Variants in BTG4 observed in about 807,000 individuals in gnomAD.
BTG4 encodes the protein BTG anti-proliferation factor 4.
A neutral mutation model predicts 19.3 loss-of-function variants in BTG4; 10 were observed. The ratio of observed to expected loss-of-function variants is 0.52; its 90% CI spans 0.32 to 0.88. The LOEUF (loss-of-function observed/expected upper bound fraction) is 0.88, where lower values mean the gene tolerates loss of function less well. Ranked by LOEUF, BTG4 falls within the 40% of genes least tolerant of loss-of-function variation. The pLI is 0.04. For missense variants in BTG4, 238 were observed against 281.9 expected (o/e 0.84, Z 1.11); for synonymous variants, 91 against 95.7 (o/e 0.95, Z 0.29).
chr11:111,491,734 C>CAAAA (rs5794751), downstream of BTG4, among the ~76,000 whole-genome samples: 7 of 99,718 alleles, frequency 7.0e-5, no homozygotes, highest in Admixed American at 2.0e-4. Flanking sequence ...GACCTGATCT[C>CAAAA]AAAAAAAAAA....
At chr11:111,409,903 T>C in the BTG4 span, among the ~76,000 whole-genome samples, 1 of 152,234 alleles carries the variant, frequency 6.6e-6, no homozygotes, top group African/African-American at 2.4e-5. Context: ...GCTAATGTAT[T>C]GGAGTGATAA....
the BTG4 span, among the ~76,000 whole-genome samples, chr11:111,401,997 G>A: frequency 6.6e-6 from 1 of 152,164 alleles, no homozygotes; most frequent in African/African-American, 2.4e-5. Flanking sequence ...TTATTTATAT[G>A]TGATAGCTTT....
At chr11:111,433,639 T>A in the BTG4 span, among the ~76,000 whole-genome samples, 3 of 152,088 alleles carry the variant, frequency 2.0e-5, no homozygotes, top group African/African-American at 7.3e-5. Context: ...GGGAGAAAAT[T>A]TTTGCAATCT....
chr11:111,385,841 T>C, the BTG4 span: 6 of 152,210 alleles, frequency 3.9e-5, no homozygotes, highest in African/African-American at 7.2e-5. Flanking sequence ...TTATACATAA[T>C]AGGGAAATTG....
At chr11:111,429,240 A>T in the BTG4 span, among the ~76,000 whole-genome samples, 23 of 152,266 alleles carry the variant, frequency 1.5e-4, no homozygotes, top group African/African-American at 5.1e-4. Flanking sequence ...GACAAAGCTT[A>T]ACATCACGCT....
At chr11:111,510,257 T>C (rs964860811) in intron 1 of BTG4, among the ~76,000 whole-genome samples, 1 of 152,146 alleles carries the variant, frequency 6.6e-6, no homozygotes, top group Admixed American at 6.5e-5. Flanking sequence ...TAGTCTTGTA[T>C]CTAGAAGTGG....
chr11:111,398,349 G>A, the BTG4 span, among the ~76,000 whole-genome samples: 13 of 152,192 alleles, frequency 8.5e-5, no homozygotes, highest in East Asian at 1.3e-3. Flanking sequence ...TGGTCCTTTA[G>A]CCTAAAGCAG....
chr11:111,494,720 G>A, downstream of BTG4: 1 of 258,888 alleles, frequency 3.9e-6, no homozygotes, highest in Admixed American at 6.5e-5. Context: ...GAGCTCAGGA[G>A]TTTGTGACCA....
chr11:111,418,612 T>C, the BTG4 span, among the ~76,000 whole-genome samples: 20 of 152,098 alleles, frequency 1.3e-4, no homozygotes, highest in Non-Finnish European at 2.8e-4. Flanking sequence ...AAGGTTTTCA[T>C]AAAGGGGAAA....
At chr11:111,503,876 C>T (rs554564397) in intron 1 of BTG4, among the ~76,000 whole-genome samples, 49 of 152,188 alleles carry the variant, frequency 3.2e-4, no homozygotes, top group African/African-American at 1.1e-3. Flanking sequence ...AGGTAAAACT[C>T]GAAAATCTGG....
chr11:111,440,006 T>A, the BTG4 span, among the ~76,000 whole-genome samples: 7 of 152,236 alleles, frequency 4.6e-5, no homozygotes, highest in Non-Finnish European at 7.3e-5. Flanking sequence ...TTATTTTATC[T>A]CACAGTGCTG....
At chr11:111,507,750 G>C (rs997395648) in intron 1 of BTG4, 1 of 152,102 alleles carries the variant, frequency 6.6e-6, no homozygotes, top group Admixed American at 6.6e-5. Flanking sequence ...AAGAGGAGAG[G>C]GATCCTCTCA....
At chr11:111,424,200 C>T in the BTG4 span, among the ~76,000 whole-genome samples, 2 of 152,274 alleles carry the variant, frequency 1.3e-5, no homozygotes, top group African/African-American at 4.8e-5. Context: ...CAGCCCAAGT[C>T]GATACAATCC....
the BTG4 span, chr11:111,452,369 G>A: frequency 1.3e-5 from 2 of 152,300 alleles, no homozygotes; most frequent in Non-Finnish European, 2.9e-5. Flanking sequence ...GTCTCTGGCA[G>A]ACAGTGGGAC....
intron 2 of BTG4, 148 bp from the exon 3 acceptor site, chr11:111,498,283 CAAGT>C (rs1279543074): frequency 3.6e-6 from 3 of 841,368 alleles, no homozygotes; most frequent in East Asian, 2.5e-5. Context: ...TCCACTCTTA[CAAGT>C]AAGACATCAT....
intron 5 of BTG4, among the ~76,000 whole-genome samples, chr11:111,487,684 C>T (rs568819030): frequency 4.6e-5 from 7 of 151,982 alleles, no homozygotes; most frequent in South Asian, 2.1e-4. Context: ...TCCTTGCAGA[C>T]GATATAGTCT....
chr11:111,468,611 T>C (rs558450546), intron 5 of BTG4, among the ~76,000 whole-genome samples: 2 of 152,320 alleles, frequency 1.3e-5, no homozygotes, highest in East Asian at 3.9e-4. Flanking sequence ...ACCTACTGTC[T>C]CTTAAGAGAA....
chr11:111,441,960 G>T, the BTG4 span, among the ~76,000 whole-genome samples: 1 of 151,982 alleles, frequency 6.6e-6, no homozygotes, highest in Admixed American at 6.6e-5. Context: ...TCAGGAGGCT[G>T]AAGCATGAGA....
At chr11:111,506,298 CAT>C (rs1237595525) in intron 1 of BTG4, among the ~76,000 whole-genome samples, 1 of 152,046 alleles carries the variant, frequency 6.6e-6, no homozygotes, top group East Asian at 1.9e-4. Flanking sequence ...ACTACACAAT[CAT>C]AAAAGAAGAA....
Sources: allele counts gnomAD v4.1 joint callset (sites outside exome capture counted in the v4.1 genomes callset), GRCh38; gene constraint gnomAD v4.1.1; transcripts MANE v1.5; gene names NCBI Gene and HGNC (gene_info 2026-07-23, HGNC 2026-07-21).